Variants in ULK4 observed in about 807,000 individuals in gnomAD.
ULK4 encodes the protein unc-51 like kinase 4.
ULK4 carries 133 observed loss-of-function variants against 160.6 expected under a neutral mutation model. The ratio of observed to expected loss-of-function variants is 0.83; its 90% CI spans 0.72 to 0.96. The LOEUF is 0.96. ULK4 is among the 40% of genes least tolerant of loss of function. ULK4 has a pLI of 0.00. For missense variants in ULK4, 1,580 were observed against 1,499.5 expected (o/e 1.05, Z -0.89); for synonymous variants, 534 against 539.8 (o/e 0.99, Z 0.15).
intron 34 of ULK4, among the ~76,000 whole-genome samples, chr3:41,409,948 CAA>C (rs36107176): frequency 2.4e-4 from 34 of 143,258 alleles, no homozygotes; most frequent in Middle Eastern, 3.5e-3. Flanking sequence ...GACCCGGTCT[CAA>C]AAAAAAAAAA....
intron 9 of ULK4, among the ~76,000 whole-genome samples, chr3:41,912,089 A>G (rs1051037111): frequency 2.0e-5 from 3 of 152,032 alleles, no homozygotes; most frequent in Non-Finnish European, 4.4e-5. Flanking sequence ...ACACTTTGGG[A>G]GGCCACAGCG....
At chr3:41,325,287 TG>T (rs1450099983) in intron 35 of ULK4, among the ~76,000 whole-genome samples, 1 of 150,950 alleles carries the variant, frequency 6.6e-6, no homozygotes, top group Non-Finnish European at 1.5e-5. Context: ...ACCCAGGAGG[TG>T]GGGGTATCTG....
At chr3:41,900,295 C>T (rs190707733) in intron 13 of ULK4, among the ~76,000 whole-genome samples, 2 of 152,072 alleles carry the variant, frequency 1.3e-5, no homozygotes, top group African/African-American at 4.8e-5. Context: ...TCTGCCTGCC[C>T]AGCCCAGCCT....
chr3:41,626,466 TAAATAATTAA>T (rs1045520908), intron 30 of ULK4, among the ~76,000 whole-genome samples: 2 of 151,888 alleles, frequency 1.3e-5, no homozygotes, highest in Non-Finnish European at 2.9e-5. Flanking sequence ...CTGTGATTAT[TAAATAATTAA>T]AATGCAAATT....
chr3:41,923,066 C>A (rs946481924), intron 5 of ULK4, among the ~76,000 whole-genome samples: 2 of 151,234 alleles, frequency 1.3e-5, no homozygotes, highest in Admixed American at 6.6e-5. Flanking sequence ...CCCAGCTACT[C>A]GGGAGGCAGG....
chr3:41,645,065 C>T, intron 30 of ULK4, among the ~76,000 whole-genome samples: 1 of 151,270 alleles, frequency 6.6e-6, no homozygotes, highest in East Asian at 1.9e-4. Context: ...TTTATTGCAT[C>T]TATTTGATTC....
At chr3:41,831,142 C>G (rs1458143392) in intron 18 of ULK4, among the ~76,000 whole-genome samples, 1 of 152,022 alleles carries the variant, frequency 6.6e-6, no homozygotes, top group Non-Finnish European at 1.5e-5. Flanking sequence ...ATCCTCCCAC[C>G]TCAGCTTCCC....
At chr3:41,383,561 T>C (rs2081725405) in intron 35 of ULK4, among the ~76,000 whole-genome samples, 1 of 152,184 alleles carries the variant, frequency 6.6e-6, no homozygotes, top group Non-Finnish European at 1.5e-5. Flanking sequence ...AAGTTGGTGA[T>C]GGTCAAAATG....
chr3:41,407,974 A>G (rs1317739896), intron 34 of ULK4, among the ~76,000 whole-genome samples: 2 of 152,158 alleles, frequency 1.3e-5, no homozygotes, highest in Non-Finnish European at 2.9e-5. Flanking sequence ...GTACAAATAA[A>G]CAAGTTCATC....
intron 30 of ULK4, among the ~76,000 whole-genome samples, chr3:41,638,701 T>G (rs1482326020): frequency 6.6e-6 from 1 of 152,222 alleles, no homozygotes; most frequent in Non-Finnish European, 1.5e-5. Context: ...AACACTGTAA[T>G]GTATTCTGGC....
intron 25 of ULK4, among the ~76,000 whole-genome samples, chr3:41,714,852 TAA>T (rs60470015): frequency 1.5e-5 from 2 of 131,342 alleles, no homozygotes; most frequent in Non-Finnish European, 3.1e-5. Context: ...ACTCTGTCTT[TAA>T]AAAAAAAAAA....
chr3:41,767,666 G>C (rs185707647), intron 21 of ULK4, among the ~76,000 whole-genome samples: 3 of 152,168 alleles, frequency 2.0e-5, no homozygotes, highest in Admixed American at 6.5e-5. Context: ...AAGTAGACTA[G>C]CAAAGATGAA....
Position 41,681,593 on chromosome 3 carries a change from G to A in ULK4, c.2893C>T (p.Gln965Ter). The change falls in exon 29 of 37, where the codon CAG becomes TAG. Residue 965 changes from glutamine to a stop codon, truncating the protein, a stop_gained. Coordinates refer to ENST00000301831, the MANE Select transcript of ULK4 (RefSeq NM_017886.4). LOFTEE classifies it high-confidence loss of function. ...LSETTSLLVN[Q>*]EFGDGKEKAS... Reference sequence around the variant, plus strand: ...TTCTCCTTGCCATCCCCAAACTCCTGGTTCACGAGTAGAGATGTGGTTTCT... The same window carrying A: ...TTCTCCTTGCCATCCCCAAACTCCTAGTTCACGAGTAGAGATGTGGTTTCT... 1 of 1,613,840 alleles carries A rather than the reference G, an allele frequency of 6.2e-7. No homozygotes were observed. The highest frequency in any genetic ancestry group is 8.5e-7 in the Non-Finnish European group (1 of 1,179,964).
At position 41,705,293 on chromosome 3, in the gene ULK4, A is replaced by G; in HGVS notation, c.2647T>C (p.Ser883Pro). The G allele has an allele frequency of 6.2e-7, 1 of 1,610,706 alleles. No homozygotes were observed. Among genetic ancestry groups the G allele is most frequent in the Non-Finnish European group, 8.5e-7 (1 of 1,178,656 alleles). ...SYGTILSHIK[S>P]VDSGETNIDG... is the part of the protein sequence containing the mutation. ...ATGTTCGTTTCTCCTGAGTCTACAG[A>G]TTTAATATGACTCTGAAAAAAAATA... is the stretch of plus-strand genomic sequence containing the variant. The change falls in exon 26 of 37, where the codon TCT becomes CCT. Residue 883 changes from serine to proline, a missense_variant. Transcript: ENST00000301831.
intron 35 of ULK4, among the ~76,000 whole-genome samples, chr3:41,366,043 C>A (rs1168152486): frequency 6.6e-6 from 1 of 152,174 alleles, no homozygotes; most frequent in Non-Finnish European, 1.5e-5. Flanking sequence ...ATCCTCCAAT[C>A]CACAAAGACA....
At position 41,954,678 on chromosome 3, in the gene ULK4, T is replaced by C; in HGVS notation, c.82A>G (p.Asn28Asp). The C allele has an allele frequency of 6.2e-7, 1 of 1,614,000 alleles. No homozygotes were observed. Among genetic ancestry groups the C allele is most frequent in the Non-Finnish European group, 8.5e-7 (1 of 1,179,928 alleles). Residue 28 changes from asparagine (N) to aspartate (D), a missense_variant, in exon 2 of 37, where the codon AAT becomes GAT. Asn to Asp is a conservative substitution (Grantham distance 23). Coordinates refer to ENST00000301831, the MANE Select transcript of ULK4 (RefSeq NM_017886.4). ...VYKGRRKGTI[N>D]FVAILCTDKC... ...TCAGTACAAAGAATGGCTACAAAAT[T>C]GATTGTTCCCTTCCGTCGCCCTTTA...
chr3:41,558,866 T>G (rs13091663), intron 32 of ULK4, among the ~76,000 whole-genome samples: 65,252 of 150,882 alleles, frequency 0.43, 15,337 homozygotes, highest in Middle Eastern at 0.55. Context: ...GCTTCTATTT[T>G]ATTTTATTTA....
At chr3:41,583,428 C>T (rs1457315678) in intron 31 of ULK4, among the ~76,000 whole-genome samples, 2 of 152,128 alleles carry the variant, frequency 1.3e-5, no homozygotes, top group Non-Finnish European at 2.9e-5. Flanking sequence ...TAAAATTTTA[C>T]CCATTCTGCT....
At chr3:41,382,456 T>A (rs1412858661) in intron 35 of ULK4, among the ~76,000 whole-genome samples, 1 of 152,242 alleles carries the variant, frequency 6.6e-6, no homozygotes, top group Non-Finnish European at 1.5e-5. Context: ...GTTAGTTTCA[T>A]ATTTTGAGAT....
Sources: gnomAD v4.1 joint callset for allele counts (sites outside exome capture counted in the v4.1 genomes callset) on GRCh38, gnomAD v4.1.1 for gene constraint, MANE v1.5 for transcripts, NCBI Gene and HGNC (gene_info 2026-07-23, HGNC 2026-07-21) for gene names.